Variants in AFG1L observed in about 807,000 individuals in gnomAD.
AFG1L encodes AFG1 like ATPase, also known as AFG1-like ATPase.
In AFG1L, 53 loss-of-function variants were observed where a neutral mutation model predicts 62.2. That is an observed-to-expected ratio of 0.85 (90% CI 0.68 to 1.07). The LOEUF (loss-of-function observed/expected upper bound fraction) is 1.07. Ranked by LOEUF, AFG1L falls within the 50% of genes least tolerant of loss-of-function variation. The pLI, the probability that AFG1L is intolerant of heterozygous loss-of-function variation, is 0.00. For synonymous variants in AFG1L, 228 were observed against 210.3 expected (o/e 1.08, Z -0.73); for missense variants, 555 against 590.5 (o/e 0.94, Z 0.62).
At chr6:108,457,515 T>C (rs186648553) in intron 8 of AFG1L, among the ~76,000 whole-genome samples, 39 of 151,810 alleles carry the variant, frequency 2.6e-4, no homozygotes, top group African/African-American at 8.9e-4. Flanking sequence ...TATTATGTAA[T>C]TGTGTATTTT....
chr6:108,295,948 T>C (rs903895638), intron 1 of AFG1L: 6 of 152,228 alleles, frequency 3.9e-5, no homozygotes, highest in African/African-American at 1.4e-4. Context: ...GCAAATATGA[T>C]TTTTGAGTGA....
intron 1 of AFG1L, chr6:108,295,936 G>A (rs1010768721): frequency 6.6e-6 from 1 of 152,152 alleles, no homozygotes; most frequent in Non-Finnish European, 1.5e-5. Flanking sequence ...GGTACTTGAC[G>A]TGCAAATATG....
At chr6:108,340,237 C>CT (rs1220128816) in intron 2 of AFG1L, among the ~76,000 whole-genome samples, 1 of 150,332 alleles carries the variant, frequency 6.7e-6, no homozygotes, top group African/African-American at 2.4e-5. Context: ...ATATCTCATT[C>CT]TTTTTTTATG....
chr6:108,513,859 G>A (rs557539355), intron 11 of AFG1L, among the ~76,000 whole-genome samples: 3 of 152,198 alleles, frequency 2.0e-5, no homozygotes, highest in Non-Finnish European at 2.9e-5. Context: ...TGGGAGGCAC[G>A]CCCCAGTAGG....
Position 108,304,052 on chromosome 6 carries a change from A to G in AFG1L, c.139+8834A>G, listed in dbSNP as rs146069825. Among the ~76,000 whole-genome samples the G allele has an allele frequency of 8.5e-5, 13 of 152,268 alleles. No homozygotes were observed. In the East Asian group the frequency reaches 2.3e-3, roughly 27 times the overall value. ...AGTTATACACATTGGCACATTTAAG[A>G]TTAACTAGCTTCTGAAGGAAAAGAA... is the stretch of plus-strand genomic sequence containing the variant. On this transcript the variant is annotated intron_variant, in intron 1 of 12. Transcript: ENST00000368977.
intron 10 of AFG1L, among the ~76,000 whole-genome samples, chr6:108,503,625 GGATTTTCA>G (rs1184121254): frequency 3.9e-5 from 6 of 152,198 alleles, no homozygotes; most frequent in African/African-American, 1.4e-4. Context: ...AAGGGCTCTA[GGATTTTCA>G]GAATGGTAAA....
intron 6 of AFG1L, among the ~76,000 whole-genome samples, chr6:108,380,183 T>G (rs1780437553): frequency 6.6e-6 from 1 of 152,074 alleles, no homozygotes; most frequent in Non-Finnish European, 1.5e-5. Context: ...GTGGGGCAGC[T>G]TAGGCTGCTG....
intron 10 of AFG1L, among the ~76,000 whole-genome samples, chr6:108,495,567 C>A (rs977217608): frequency 2.0e-5 from 3 of 152,190 alleles, no homozygotes; most frequent in African/African-American, 7.2e-5. Context: ...TGAGAAAATT[C>A]CCACTTCTGG....
chr6:108,449,892 G>T (rs1771981394), intron 8 of AFG1L, among the ~76,000 whole-genome samples: 1 of 152,048 alleles, frequency 6.6e-6, no homozygotes, highest in Non-Finnish European at 1.5e-5. Flanking sequence ...GAGAATGATG[G>T]TTTCCAGCTT....
At chr6:108,478,339 A>G (rs1773202546) in intron 10 of AFG1L, among the ~76,000 whole-genome samples, 2 of 152,220 alleles carry the variant, frequency 1.3e-5, no homozygotes, top group Admixed American at 1.3e-4. Flanking sequence ...GGGGAGGCTG[A>G]GGCAGGAGAA....
rs1371934270 is a variant in AFG1L, at chr6:108,350,629, T to C, written c.415+3590T>C. Among the ~76,000 whole-genome samples the C allele has an allele frequency of 2.0e-5, 3 of 152,226 alleles. No homozygotes were observed. In the South Asian group the frequency reaches 6.2e-4, roughly 32 times the overall value. ...TAGAAGCCAAAAGCTGTGGTAGTAG[T>C]ATTTTGTGACTTCATTCATACCCTA... On this transcript the variant is annotated intron_variant, in intron 3 of 12. Transcript: ENST00000368977.
At chr6:108,506,715 C>G (rs1417010794) in intron 10 of AFG1L, among the ~76,000 whole-genome samples, 3 of 152,166 alleles carry the variant, frequency 2.0e-5, no homozygotes, top group Non-Finnish European at 4.4e-5. Context: ...TTTATAATAC[C>G]TAGTACAATG....
At chr6:108,354,307 T>G (rs1041865126) in intron 3 of AFG1L, among the ~76,000 whole-genome samples, 41 of 152,166 alleles carry the variant, frequency 2.7e-4, no homozygotes, top group African/African-American at 9.4e-4. Flanking sequence ...CTATGTTTTT[T>G]TTTTGTTTTT....
chr6:108,364,218 C>T (rs1314640953), intron 5 of AFG1L, among the ~76,000 whole-genome samples: 2 of 152,166 alleles, frequency 1.3e-5, no homozygotes, highest in Non-Finnish European at 2.9e-5. Flanking sequence ...TTACCGTTCC[C>T]CGGCAAGGCC....
chr6:108,326,325 G>T lies in AFG1L; in HGVS notation c.363+2277G>T, dbSNP rs143728945. ...GGTCTTAAGCAATCCTCCTGCCTCAGCCTCTAAAGCACTGGGATAATTGGT... is the reference window on the plus strand; with the variant it reads ...GGTCTTAAGCAATCCTCCTGCCTCATCCTCTAAAGCACTGGGATAATTGGT... On this transcript the variant is annotated intron_variant, in intron 2 of 12. Transcript: ENST00000368977. Among the ~76,000 whole-genome samples, 5 of 152,292 alleles carry T rather than the reference G, an allele frequency of 3.3e-5. No homozygotes were observed. In the East Asian group the frequency reaches 9.6e-4, roughly 29 times the overall value.
chr6:108,353,407 C>T lies in AFG1L; in HGVS notation c.416-2247C>T, dbSNP rs111354045. On this transcript the variant is annotated intron_variant, in intron 3 of 12. Transcript: ENST00000368977. The stretch of plus-strand genomic sequence containing the variant: ...CTAGGCTCAAGCAATTCTCCCTCCT[C>T]GGCCTCCCAAAGTGCTGAAATTATA... Among the ~76,000 whole-genome samples, 1,467 of 152,184 alleles carry T rather than the reference C, an allele frequency of 9.6e-3. 14 individuals are homozygous for T. Among genetic ancestry groups the T allele is most frequent in the Non-Finnish European group, 0.014 (943 of 68,002 alleles).
At chr6:108,498,000 T>C (rs575203910) in intron 10 of AFG1L, among the ~76,000 whole-genome samples, 2 of 152,326 alleles carry the variant, frequency 1.3e-5, no homozygotes, top group African/African-American at 4.8e-5. Context: ...CTGCAGTCAA[T>C]TTGCTGCACT....
At chr6:108,382,317 A>G (rs1180837084) in intron 6 of AFG1L, among the ~76,000 whole-genome samples, 1 of 152,014 alleles carries the variant, frequency 6.6e-6, no homozygotes, top group Admixed American at 6.6e-5. Flanking sequence ...GTTTATTATA[A>G]TGAAAATGCA....
intron 2 of AFG1L, among the ~76,000 whole-genome samples, chr6:108,344,404 C>A (rs528307327): frequency 4.6e-5 from 7 of 152,214 alleles, no homozygotes; most frequent in African/African-American, 1.7e-4. Flanking sequence ...TGAGCCATCG[C>A]GCCCAGCCTA....
Sources: allele counts gnomAD v4.1 joint callset (sites outside exome capture counted in the v4.1 genomes callset), GRCh38; gene constraint gnomAD v4.1.1; transcripts MANE v1.5; gene names NCBI Gene and HGNC (gene_info 2026-07-23, HGNC 2026-07-21).